The following NAV3 variants were observed in gnomAD, a reference collection of about 807,000 sequenced individuals.
NAV3 encodes pore membrane and/or filament interacting like protein 1.
NAV3 carries 87 observed loss-of-function variants against 244.7 expected under a neutral mutation model. The ratio of observed to expected loss-of-function variants is 0.36; its 90% CI spans 0.30 to 0.42. NAV3 has a LOEUF of 0.42. Ranked by LOEUF, NAV3 falls within the 20% of genes least tolerant of loss-of-function variation. The pLI is 1.00. For synonymous variants in NAV3, 1,126 were observed against 1,042.2 expected, an observed-to-expected ratio of 1.08 and a Z score of -1.55; for missense variants, 2,663 against 2,893.3, an observed-to-expected ratio of 0.92 and a Z score of 1.83.
rs372783098 is a variant in NAV3 at position 78,080,976 on chromosome 12, G to T, written c.2636+21861G>T. 5.6e-4 allele frequency among the ~76,000 whole-genome samples: 85 copies of T among 152,282 alleles called. No homozygotes were observed. The Middle Eastern group carries it at 0.017, about 30-fold the overall frequency. On this transcript the variant is annotated intron_variant, in intron 12 of 39. Transcript: ENST00000397909. ...AATTTAGTTATCATAAGTGAAGTCC[G>T]GTGTGTTTTAGAGATCGTATCCATT... is the stretch of plus-strand genomic sequence containing the variant.
intron 2 of NAV3, among the ~76,000 whole-genome samples, chr12:77,722,380 G>A (rs903720297): frequency 2.0e-5 from 3 of 152,064 alleles, no homozygotes; most frequent in East Asian, 3.9e-4. Flanking sequence ...GTATTTATAC[G>A]TTAAAGCAAC....
At chr12:77,653,877 T>C (rs936659005) in intron 2 of NAV3, among the ~76,000 whole-genome samples, 1 of 152,128 alleles carries the variant, frequency 6.6e-6, no homozygotes, top group Non-Finnish European at 1.5e-5. Context: ...TATGCATATA[T>C]GTGGGACAAG....
chr12:78,026,280 G>A (rs552336880), intron 9 of NAV3, among the ~76,000 whole-genome samples: 17 of 152,134 alleles, frequency 1.1e-4, no homozygotes, highest in Admixed American at 2.0e-4. Context: ...CAATCTTTCC[G>A]CTTGAATATC....
intron 2 of NAV3, among the ~76,000 whole-genome samples, chr12:77,725,926 C>A (rs1390185592): frequency 6.6e-6 from 1 of 151,864 alleles, no homozygotes; most frequent in African/African-American, 2.4e-5. Context: ...CCTTCAATGG[C>A]TGACTGAATT....
At chr12:77,847,480 G>C (rs1281456647) in intron 1 of NAV3, among the ~76,000 whole-genome samples, 1 of 152,122 alleles carries the variant, frequency 6.6e-6, no homozygotes. Context: ...CTGAGAAAAT[G>C]AAAAGGGTGG....
rs1217012014 is a variant in NAV3 at position 78,128,755 on chromosome 12, T to C, written c.4330T>C (p.Leu1444=). 4.3e-6 allele frequency: 7 copies of C among 1,614,074 alleles called. No homozygotes were observed. The highest frequency in any genetic ancestry group is 5.9e-6 in the Non-Finnish European group (7 of 1,179,978). ...QANQEEGKEW[L]RSHSTGGLQD... ...CAACCAAGAAGAGGGCAAAGAGTGGTTGCGTTCTCATTCTACTGGAGGGCT... is the reference window on the plus strand; with the variant it reads ...CAACCAAGAAGAGGGCAAAGAGTGGCTGCGTTCTCATTCTACTGGAGGGCT... Residue 1444 remains leucine (L), a synonymous_variant, in exon 18 of 40, where the codon TTG becomes CTG. Transcript: ENST00000397909.
At chr12:78,009,099 ATTGT>A (rs1260290860) in intron 8 of NAV3, among the ~76,000 whole-genome samples, 1 of 152,206 alleles carries the variant, frequency 6.6e-6, no homozygotes, top group Non-Finnish European at 1.5e-5. Flanking sequence ...TTTTAAAAAA[ATTGT>A]TTGCAATAAA....
chr12:77,959,439 C>T (rs965034878), intron 3 of NAV3, among the ~76,000 whole-genome samples: 1 of 151,916 alleles, frequency 6.6e-6, no homozygotes, highest in Admixed American at 6.6e-5. Context: ...ATCATTTATA[C>T]CATTATAGCA....
chr12:78,202,698 G>A (rs1017134297), intron 38 of NAV3, among the ~76,000 whole-genome samples: 15 of 152,032 alleles, frequency 9.9e-5, no homozygotes, highest in South Asian at 2.1e-4. Context: ...TGAATCAACC[G>A]TGATTTAGGG....
chr12:77,964,557 C>A (rs1892346502), intron 3 of NAV3, among the ~76,000 whole-genome samples: 1 of 152,254 alleles, frequency 6.6e-6, no homozygotes, highest in South Asian at 2.1e-4. Flanking sequence ...AAATTTACCT[C>A]ATTTCTTGTT....
chr12:77,938,839 T>C (rs1413888065), intron 1 of NAV3, among the ~76,000 whole-genome samples: 1 of 151,990 alleles, frequency 6.6e-6, no homozygotes, highest in Non-Finnish European at 1.5e-5. Flanking sequence ...GAAATGGCTC[T>C]TAGAAAAGCT....
intron 1 of NAV3, among the ~76,000 whole-genome samples, chr12:77,883,471 A>G (rs1343294693): frequency 6.6e-6 from 1 of 152,066 alleles, no homozygotes; most frequent in Non-Finnish European, 1.5e-5. Flanking sequence ...GCAAGGGCTG[A>G]AAAACCACAC....
chr12:77,950,800 A>G (rs1220188518), intron 3 of NAV3: 1 of 152,248 alleles, frequency 6.6e-6, no homozygotes, highest in African/African-American at 2.4e-5. Context: ...CAAACCTGAC[A>G]AAAACAAGAA....
exon 2 of NAV3, chr12:77,572,240 A>C (rs911148584): frequency 3.9e-5 from 6 of 154,372 alleles, no homozygotes; most frequent in African/African-American, 1.4e-4. Flanking sequence ...GAATCCAGTG[A>C]GTCACAAGCT....
At chr12:78,076,509 T>C (rs913340294) in intron 12 of NAV3, among the ~76,000 whole-genome samples, 1 of 152,188 alleles carries the variant, frequency 6.6e-6, no homozygotes, top group African/African-American at 2.4e-5. Context: ...ATACATGTGA[T>C]GTATATTTTG....
At chr12:78,154,039 T>A (rs1369285084) in intron 22 of NAV3, among the ~76,000 whole-genome samples, 1 of 147,440 alleles carries the variant, frequency 6.8e-6, no homozygotes, top group Non-Finnish European at 1.5e-5. Context: ...ATATAATATA[T>A]GTTTTATATT....
Position 77,789,493 on chromosome 12 carries a change from T to C in NAV3, c.73-150826T>C, listed in dbSNP as rs1383033578. Among the ~76,000 whole-genome samples the C allele has an allele frequency of 4.7e-5, 6 of 126,656 alleles. No homozygotes were observed. In the South Asian group the frequency reaches 1.8e-3, roughly 38 times the overall value. The allele number at this position is 126,656 out of a possible 152,430, so 83.1% of individuals were successfully genotyped here. ...ATTGTATAAAATACACTAACACTAA[T>C]GATCGCTAATGAGCTAAAAAAAAAA... is the stretch of plus-strand genomic sequence containing the variant. On this transcript the variant is annotated intron_variant, in intron 2 of 8. Coordinates refer to the NAV3 transcript ENST00000550042.
At chr12:78,185,558 A>C (rs745824119) in intron 30 of NAV3, 43 bp from the exon 31 acceptor site, 1 of 1,508,932 alleles carries the variant, frequency 6.6e-7, no homozygotes, top group East Asian at 2.3e-5. Flanking sequence ...AATCTGAGCT[A>C]ATGTTATACT....
At chr12:77,604,790 T>A (rs1351034633) in intron 2 of NAV3, among the ~76,000 whole-genome samples, 1 of 152,092 alleles carries the variant, frequency 6.6e-6, no homozygotes, top group Non-Finnish European at 1.5e-5. Context: ...TTCGTAAAGT[T>A]CCAATTAGGT....
Sources: gnomAD v4.1 joint callset for allele counts (sites outside exome capture counted in the v4.1 genomes callset) on GRCh38, gnomAD v4.1.1 for gene constraint, MANE v1.5 for transcripts, NCBI Gene and HGNC (gene_info 2026-07-23, HGNC 2026-07-21) for gene names.